The following DOCK3 variants were observed in gnomAD, a reference collection of about 807,000 sequenced individuals.
The protein encoded by DOCK3 is dedicator of cytokinesis 3.
In DOCK3, 60 loss-of-function variants were observed where a neutral mutation model predicts 265.6. That is an observed-to-expected ratio of 0.23 (90% CI 0.18 to 0.28). The LOEUF (loss-of-function observed/expected upper bound fraction) is 0.28, where lower values mean the gene tolerates loss of function less well. Ranked by LOEUF, DOCK3 falls within the 10% of genes least tolerant of loss-of-function variation. The pLI, the probability that DOCK3 is intolerant of heterozygous loss-of-function variation, is 1.00. For synonymous variants in DOCK3, 881 were observed against 938.0 expected (o/e 0.94, Z 1.11); for missense variants, 1,981 against 2,594.3 (o/e 0.76, Z 5.14).
chr3:51,106,660 C>A (rs979748112), intron 9 of DOCK3, among the ~76,000 whole-genome samples: 2 of 152,218 alleles, frequency 1.3e-5, no homozygotes, highest in Admixed American at 1.3e-4. Context: ...TAGCCCTGAG[C>A]AGCCACTGCT....
At chr3:50,768,134 C>T (rs4470515) in intron 1 of DOCK3, among the ~76,000 whole-genome samples, 13,513 of 152,140 alleles carry the variant, frequency 0.089, 1,232 homozygotes, top group East Asian at 0.33. Flanking sequence ...TTGCCCTGGC[C>T]AGAACTTCCA....
At chr3:51,106,116 C>T (rs2083269858) in intron 9 of DOCK3, among the ~76,000 whole-genome samples, 1 of 152,192 alleles carries the variant, frequency 6.6e-6, no homozygotes, top group Non-Finnish European at 1.5e-5. Flanking sequence ...GCTTCACTTG[C>T]TCCAATAGGA....
chr3:51,195,986 A>C (rs2088272136), intron 12 of DOCK3, among the ~76,000 whole-genome samples: 1 of 151,640 alleles, frequency 6.6e-6, no homozygotes, highest in Admixed American at 6.6e-5. Context: ...CCCAGGTGGG[A>C]GTGCAGTGGT....
chr3:51,339,532 T>C (rs1434649488), intron 37 of DOCK3, among the ~76,000 whole-genome samples: 2 of 152,212 alleles, frequency 1.3e-5, no homozygotes, highest in East Asian at 3.9e-4. Flanking sequence ...GTGCACTCAG[T>C]GTAGAGTATA....
At chr3:51,098,335 G>T (rs569384067) in intron 9 of DOCK3, among the ~76,000 whole-genome samples, 1 of 152,214 alleles carries the variant, frequency 6.6e-6, no homozygotes, top group Non-Finnish European at 1.5e-5. Context: ...GATTACAGGT[G>T]TGAGCCACTG....
chr3:51,146,406 G>A (rs569125527), intron 9 of DOCK3, 143 bp from the exon 10 acceptor site: 1 of 734,142 alleles, frequency 1.4e-6, no homozygotes, highest in South Asian at 1.9e-5. Flanking sequence ...AGGGTGTCCT[G>A]CCACTAGACG....
At chr3:50,875,170 C>A (rs528589798) in intron 3 of DOCK3, among the ~76,000 whole-genome samples, 1 of 152,056 alleles carries the variant, frequency 6.6e-6, no homozygotes, top group Non-Finnish European at 1.5e-5. Context: ...GCCTATGTAA[C>A]AAACCTGCAC....
At chr3:50,679,585 G>A (rs1424545335) in intron 1 of DOCK3, among the ~76,000 whole-genome samples, 1 of 152,166 alleles carries the variant, frequency 6.6e-6, no homozygotes, top group East Asian at 1.9e-4. Flanking sequence ...AGAATCTGAA[G>A]GTGGGGAGGA....
At chr3:51,117,121 T>G (rs1464391615) in intron 9 of DOCK3, among the ~76,000 whole-genome samples, 1 of 152,206 alleles carries the variant, frequency 6.6e-6, no homozygotes, top group Non-Finnish European at 1.5e-5. Context: ...GTTCTTATTA[T>G]TTTAAGATAT....
intron 5 of DOCK3, among the ~76,000 whole-genome samples, chr3:50,963,445 A>T (rs748135433): frequency 4.6e-5 from 7 of 152,192 alleles, no homozygotes; most frequent in Non-Finnish European, 1.0e-4. Flanking sequence ...AAAATATTCA[A>T]ATTGAATCCA....
chr3:50,707,654 G>C (rs1371834540), intron 1 of DOCK3, among the ~76,000 whole-genome samples: 1 of 152,108 alleles, frequency 6.6e-6, no homozygotes, highest in Non-Finnish European at 1.5e-5. Context: ...GTGGTGGTGG[G>C]TCTGTATCTG....
intron 22 of DOCK3, among the ~76,000 whole-genome samples, chr3:51,247,206 T>C (rs886770055): frequency 1.3e-5 from 2 of 152,238 alleles, no homozygotes; most frequent in African/African-American, 2.4e-5. Context: ...TTTTTTGAAC[T>C]GTTTTAAGTA....
chr3:50,845,753 G>A (rs776226973), intron 3 of DOCK3, among the ~76,000 whole-genome samples: 4 of 152,064 alleles, frequency 2.6e-5, no homozygotes, highest in East Asian at 1.9e-4. Flanking sequence ...CAAGAGAATC[G>A]CTTGAACTTG....
intron 9 of DOCK3, among the ~76,000 whole-genome samples, chr3:51,091,571 T>C (rs1236246932): frequency 2.0e-5 from 3 of 150,420 alleles, no homozygotes; most frequent in Non-Finnish European, 2.9e-5. Flanking sequence ...TAAGCCCAGC[T>C]ATTCAGGAGG....
intron 5 of DOCK3, among the ~76,000 whole-genome samples, chr3:51,018,795 A>G (rs1324669235): frequency 7.2e-6 from 1 of 139,132 alleles, no homozygotes; most frequent in Non-Finnish European, 1.5e-5. Flanking sequence ...TAGATTATGA[A>G]TGCTCATCCT....
intron 33 of DOCK3, 25 bp from the exon 34 acceptor site, chr3:51,332,976 C>T: frequency 6.2e-7 from 1 of 1,613,902 alleles, no homozygotes; most frequent in Non-Finnish European, 8.5e-7. Context: ...ACCTCCTTAT[C>T]TTTGCTTTCT....
In DOCK3 at chr3:51,264,782, G is replaced by A. The variant is rs181942173; in HGVS notation, c.2355+4456G>A. On this transcript the variant is annotated intron_variant, in intron 23 of 52. Transcript: ENST00000266037. ...GCGGGGCTTGCAGTGAGCCAAGATCGCGCCACCACACTCCAGCCTGGGTGA... is the reference window on the plus strand; with the variant it reads ...GCGGGGCTTGCAGTGAGCCAAGATCACGCCACCACACTCCAGCCTGGGTGA... Among the ~76,000 whole-genome samples, 406 of 151,770 alleles carry A rather than the reference G, an allele frequency of 2.7e-3. 3 individuals are homozygous for A. Among genetic ancestry groups the A allele is most frequent in the African/African-American group, 9.3e-3 (385 of 41,366 alleles).
In DOCK3 at chr3:50,675,272, C is replaced by T. The variant is rs1193377885; in HGVS notation, c.9C>T (p.Thr3=). The T allele has an allele frequency of 2.4e-6, 3 of 1,257,992 alleles. No homozygotes were observed. Among genetic ancestry groups the T allele is most frequent in the Admixed American group, 6.7e-5 (2 of 29,804 alleles). The allele number at this position is 1,257,992 out of a possible 1,614,324, so 77.9% of individuals were successfully genotyped here. ...CCGCGCCCGGCACGGCCATGTGGACCCCCACGGAGGAGGAGAAATACGGCG... is the reference window on the plus strand; with the variant it reads ...CCGCGCCCGGCACGGCCATGTGGACTCCCACGGAGGAGGAGAAATACGGCG... MW[T]PTEEEKYGVV... The change falls in exon 1 of 53, where the codon ACC becomes ACT. Residue 3 remains threonine (T), a synonymous_variant. Coordinates refer to ENST00000266037, the MANE Select transcript of DOCK3 (RefSeq NM_004947.5). This position sits in a 1 kb window ranked among gnomAD's most constrained non-coding sequence, Gnocchi z 6.1.
chr3:50,774,045 A>G (rs2041443836), intron 1 of DOCK3, among the ~76,000 whole-genome samples: 1 of 151,956 alleles, frequency 6.6e-6, no homozygotes, highest in South Asian at 2.1e-4. Flanking sequence ...TTCCCAGAGT[A>G]TACAGATTAC....
Sources: allele counts gnomAD v4.1 joint callset (sites outside exome capture counted in the v4.1 genomes callset), GRCh38; gene constraint gnomAD v4.1.1; non-coding constraint Gnocchi (gnomAD v3.1); transcripts MANE v1.5; gene names NCBI Gene and HGNC (gene_info 2026-07-23, HGNC 2026-07-21).